ATP2B1: variants seen among roughly 807,000 people sequenced by gnomAD.
ATP2B1 encodes plasma membrane calcium-transporting ATPase 1.
In ATP2B1, 14 loss-of-function variants were observed where a neutral mutation model predicts 124.2. The ratio of observed to expected loss-of-function variants is 0.11; its 90% CI spans 0.07 to 0.18. The LOEUF is 0.18. ATP2B1 is among the 10% of genes least tolerant of loss of function. ATP2B1 has a pLI of 1.00. For missense variants in ATP2B1, 763 were observed against 1,466.1 expected, an observed-to-expected ratio of 0.52 and a Z score of 7.83; for synonymous variants, 449 against 492.4, an observed-to-expected ratio of 0.91 and a Z score of 1.17.
At chr12:89,676,619 G>T (rs549146701) in intron 1 of ATP2B1, among the ~76,000 whole-genome samples, 1 of 152,094 alleles carries the variant, frequency 6.6e-6, no homozygotes, top group South Asian at 2.1e-4. Flanking sequence ...TACTATTGAT[G>T]TTTATGTAGG....
chr12:89,615,582 A>C (rs750422547), intron 12 of ATP2B1, among the ~76,000 whole-genome samples: 16 of 152,218 alleles, frequency 1.1e-4, no homozygotes, highest in Non-Finnish European at 2.1e-4. Flanking sequence ...TGATAAAGTC[A>C]CTGAACAAAA....
chr12:89,662,452 T>C (rs1044420987), intron 1 of ATP2B1, among the ~76,000 whole-genome samples: 3 of 152,230 alleles, frequency 2.0e-5, no homozygotes, highest in Non-Finnish European at 2.9e-5. Context: ...ATTCAAATTA[T>C]TTCATTAAAA....
chr12:89,685,500 G>A (rs995009918), intron 1 of ATP2B1, among the ~76,000 whole-genome samples: 2 of 151,906 alleles, frequency 1.3e-5, no homozygotes, highest in African/African-American at 4.8e-5. Flanking sequence ...TCAAAGTATG[G>A]TCCCCAGACT....
chr12:89,591,069 C>T lies in ATP2B1; in HGVS notation c.3578G>A (p.Gly1193Glu). ...PNKNNNAVDS[G>E]IHLTIEMNKS... ...GTTCATTTCTATTGTAAGGTGAATT[C>T]CACTGTCAACAGCATTGTTATTTTT... is the stretch of plus-strand genomic sequence containing the variant. Residue 1193 changes from glycine (G) to glutamate (E), a missense_variant, in exon 21 of 21, where the codon GGA (glycine) becomes GAA (glutamate). By Grantham distance (98) the Gly-to-Glu change is moderately conservative. Coordinates refer to ENST00000428670, the MANE Select transcript of ATP2B1 (RefSeq NM_001366521.1). 6.2e-7 allele frequency: 1 copy of T among 1,613,152 alleles called. No individual in the cohort carries two copies. The highest frequency in any genetic ancestry group is 8.5e-7 in the Non-Finnish European group (1 of 1,179,366).
intron 2 of ATP2B1, among the ~76,000 whole-genome samples, chr12:89,645,966 G>C (rs1377798153): frequency 6.6e-6 from 1 of 152,196 alleles, no homozygotes; most frequent in Non-Finnish European, 1.5e-5. Context: ...GATGGTGCTT[G>C]TATTTGGGTT....
rs762175065 is a variant in ATP2B1 at position 89,597,356 on chromosome 12, C to T, written c.3351+1761G>A. On this transcript the variant is annotated intron_variant, in intron 20 of 20. Coordinates refer to ENST00000428670, the MANE Select transcript of ATP2B1 (RefSeq NM_001366521.1). The stretch of plus-strand genomic sequence containing the variant: ...TGTAAATTTAATATCTTAATGTTAG[C>T]GAGTCACTTGGAACACTTTGCTTTA... Among the ~76,000 whole-genome samples, 130 of 152,172 alleles carry T rather than the reference C, an allele frequency of 8.5e-4. 3 individuals carry two copies. The highest frequency in any genetic ancestry group is 2.5e-4 in the Non-Finnish European group (17 of 67,996).
chr12:89,645,667 T>A (rs1290984474), intron 2 of ATP2B1, among the ~76,000 whole-genome samples: 1 of 151,964 alleles, frequency 6.6e-6, no homozygotes, highest in Non-Finnish European at 1.5e-5. Flanking sequence ...CAAAACAAGA[T>A]TAGAAGATTT....
intron 1 of ATP2B1, among the ~76,000 whole-genome samples, chr12:89,699,766 A>C (rs747218479): frequency 1.3e-5 from 2 of 152,226 alleles, no homozygotes; most frequent in Non-Finnish European, 2.9e-5. Context: ...AAATGCTGTC[A>C]GCAGGAGGGC....
At chr12:89,631,009 C>T (rs1881788034) in intron 5 of ATP2B1, among the ~76,000 whole-genome samples, 2 of 151,950 alleles carry the variant, frequency 1.3e-5, no homozygotes, top group Admixed American at 1.3e-4. Flanking sequence ...TGGGCTCAAG[C>T]AATCCTCCTG....
At chr12:89,708,234 A>G (rs1443203361) in intron 1 of ATP2B1, among the ~76,000 whole-genome samples, 4 of 151,984 alleles carry the variant, frequency 2.6e-5, no homozygotes, top group Non-Finnish European at 5.9e-5. Flanking sequence ...GGCGGGGGCG[A>G]CCGGTGGCGG....
intron 5 of ATP2B1, among the ~76,000 whole-genome samples, chr12:89,633,579 T>G (rs1022522599): frequency 2.6e-5 from 4 of 152,052 alleles, no homozygotes; most frequent in Non-Finnish European, 5.9e-5. Context: ...CTGATTTTTT[T>G]GCAATAGGAT....
At chr12:89,598,439 G>A (rs971675803) in intron 20 of ATP2B1, 23 of 831,134 alleles carry the variant, frequency 2.8e-5, no homozygotes, top group South Asian at 4.1e-5. Flanking sequence ...AAACAACAAC[G>A]ACAACACTTT....
At position 89,677,954 on chromosome 12, in the gene ATP2B1, T is replaced by TTATATATATATATATATATATA. The variant is rs61256358; in HGVS notation, c.-221-21848_-221-21847insTATATATATATATATATATATA. Among the ~76,000 whole-genome samples the TTATATATATATATATATATATA allele has an allele frequency of 3.5e-4, 24 of 68,758 alleles. 1 individual carries two copies. Among genetic ancestry groups the TTATATATATATATATATATATA allele is most frequent in the African/African-American group, 1.1e-3 (17 of 15,724 alleles). The allele number at this position is 68,758 out of a possible 152,430, so 45.1% of individuals were successfully genotyped here. ...TCAGGGGGTTGGGGGCATGCAGGAA[T>TTATATATATATATATATATATA]TATATATATATATATATACACACAC... On this transcript the variant is annotated intron_variant, in intron 1 of 20. Transcript: ENST00000428670.
In ATP2B1 at chr12:89,611,341, G is replaced by GC. The variant is rs1276388747; in HGVS notation, c.2098dup (p.Ala700GlyfsTer11). ...AGTGACCATCCGCACAGTAATTCCA[G>GC]CCCTCTGACACTTTTTAATTGCATC... On this transcript the variant is annotated frameshift_variant, in exon 13 of 21. Coordinates refer to ENST00000428670, the MANE Select transcript of ATP2B1 (RefSeq NM_001366521.1). LOFTEE classifies it high-confidence loss of function. 1 of 1,546,250 alleles carries GC rather than the reference G, an allele frequency of 6.5e-7. No homozygotes were observed. Among genetic ancestry groups the GC allele is most frequent in the Admixed American group, 2.0e-5 (1 of 49,542 alleles).
intron 2 of ATP2B1, among the ~76,000 whole-genome samples, chr12:89,650,429 T>C (rs938146799): frequency 6.6e-6 from 1 of 152,238 alleles, no homozygotes; most frequent in South Asian, 2.1e-4. Context: ...TGACTCAGGA[T>C]GCCTTTCCCT....
At chr12:89,653,397 C>A (rs1236821807) in intron 2 of ATP2B1, among the ~76,000 whole-genome samples, 2 of 148,518 alleles carry the variant, frequency 1.3e-5, no homozygotes, top group African/African-American at 4.9e-5. Flanking sequence ...CCCGGGTTCA[C>A]GCTATTCTCC....
At chr12:89,707,556 C>T (rs1281204720) in intron 1 of ATP2B1, among the ~76,000 whole-genome samples, 1 of 152,146 alleles carries the variant, frequency 6.6e-6, no homozygotes, top group Non-Finnish European at 1.5e-5. Flanking sequence ...GGCACAGAAG[C>T]GAAAGGTGGC....
chr12:89,633,314 T>G (rs563811924), intron 5 of ATP2B1, among the ~76,000 whole-genome samples: 1 of 151,942 alleles, frequency 6.6e-6, no homozygotes, highest in Admixed American at 6.6e-5. Context: ...ATTTTATTAT[T>G]ATTATATTTT....
Position 89,603,246 on chromosome 12 carries a change from A to G in ATP2B1, c.2857T>C (p.Phe953Leu). ...VFTLLFAGEK[F>L]FDIDSGRNAP... ...TTTCTTCCACTATCAATGTCAAAAA[A>G]CTTTTCTCCTGAAAGAATGAAAAAT... The change falls in exon 18 of 21, where the codon TTT becomes CTT. Residue 953 changes from phenylalanine to leucine, a missense_variant. Transcript: ENST00000428670. This position sits in a 1 kb window ranked among gnomAD's most constrained non-coding sequence, Gnocchi z 4.3. The G allele has an allele frequency of 6.3e-7, 1 of 1,598,650 alleles. No individual in the cohort carries two copies. The highest frequency in any genetic ancestry group is 1.1e-5 in the South Asian group (1 of 88,262).
Sources: gnomAD v4.1 joint callset for allele counts (sites outside exome capture counted in the v4.1 genomes callset) on GRCh38, gnomAD v4.1.1 for gene constraint, Gnocchi (gnomAD v3.1) non-coding constraint, MANE v1.5 for transcripts, NCBI Gene and HGNC (gene_info 2026-07-23, HGNC 2026-07-21) for gene names.